The following ZFTA variants were observed in gnomAD, a reference collection of about 807,000 sequenced individuals.
ZFTA encodes zinc finger translocation associated, also known as zinc finger translocation-associated protein.
A neutral mutation model predicts 41.8 loss-of-function variants in ZFTA; 35 were observed. The observed-to-expected ratio is 0.84, with a 90% CI of 0.64 to 1.11. The LOEUF is 1.11. Ranked by LOEUF, ZFTA falls within the 50% of genes most tolerant of loss-of-function variation. The pLI is 0.00. For missense variants in ZFTA, 964 were observed against 989.8 expected, an observed-to-expected ratio of 0.97 and a Z score of 0.35; for synonymous variants, 514 against 436.4, an observed-to-expected ratio of 1.18 and a Z score of -2.22.
chr11:63,765,694 G>C lies in ZFTA; in HGVS notation c.637+113C>G. On this transcript the variant is annotated intron_variant, in intron 2 of 4. Transcript: ENST00000433688. The surrounding 1 kb of genome is among the most constrained non-coding windows in gnomAD (Gnocchi z 4.0). ...AAGGGCAATAAACAGACCCCACCCA[G>C]AGGAGGAGCAGTGCCTTGCTCAAGA... 1 of 1,374,340 alleles carries C rather than the reference G, an allele frequency of 7.3e-7. No individual in the cohort carries two copies. The highest frequency in any genetic ancestry group is 9.5e-7 in the Non-Finnish European group (1 of 1,052,060). 85.1% of individuals were successfully genotyped at this position (1,374,340 alleles called of 1,614,324 possible).
In ZFTA at chr11:63,764,507, T is replaced by C. The variant is rs2014712374; in HGVS notation, c.1116A>G (p.Pro372=). 9 of 1,257,166 alleles carry C rather than the reference T, an allele frequency of 7.2e-6. No homozygotes were observed. Among genetic ancestry groups the C allele is most frequent in the Non-Finnish European group, 9.0e-6 (9 of 995,540 alleles). The allele number at this position is 1,257,166 out of a possible 1,614,324, so 77.9% of individuals were successfully genotyped here. A position where few individuals can be genotyped will look rare whatever the true frequency, so the allele number is the denominator to read the frequency against. Residue 372 remains proline, a synonymous_variant, in exon 4 of 5, where the codon CCA becomes CCG. Transcript: ENST00000433688. ...GAPSSQDLSP[P]DVKEEAGWVP... is the part of the protein sequence containing the mutation. ...CCCAGCCAGCCTCTTCCTTTACGTC[T>C]GGGGGGCTGAGATCCTGAGAGGAGG...
Position 63,765,162 on chromosome 11 carries a change from T to C in ZFTA, c.730A>G (p.Arg244Gly). 1.9e-6 allele frequency: 3 copies of C among 1,544,284 alleles called. No homozygotes were observed. Among genetic ancestry groups the C allele is most frequent in the Non-Finnish European group, 2.6e-6 (3 of 1,145,078 alleles). Residue 244 changes from arginine (R) to glycine (G), a missense_variant, in exon 3 of 5, where the codon AGG becomes GGG. Arg to Gly is a moderately radical substitution (Grantham distance 125). Coordinates refer to ENST00000433688, the MANE Select transcript of ZFTA (RefSeq NM_001144936.2). The surrounding 1 kb of genome is among the most constrained non-coding windows in gnomAD (Gnocchi z 4.0). ...CCCAGCCCCCTGCTGCCCCCGGCCC[T>C]CCGGGAGGCTGAGAGGCGCAGACGC... ...ARRLRLSASR[R>G]AGGSRGLGAR...
Position 63,762,027 on chromosome 11 carries a change from C to T in ZFTA, c.*1391G>A, listed in dbSNP as rs950161669. ...CCCTCAAGTTCCACCCACTAGCCTC[C>T]CCGCCCCGGCTTTAGGACCGCGGGA... is the stretch of plus-strand genomic sequence containing the variant. On this transcript the variant is annotated 3_prime_UTR_variant, in exon 5 of 5. Coordinates refer to ENST00000433688, the MANE Select transcript of ZFTA (RefSeq NM_001144936.2). The T allele has an allele frequency of 6.6e-6, 1 of 152,442 alleles. No individual in the cohort carries two copies. The highest frequency in any genetic ancestry group is 1.5e-5 in the Non-Finnish European group (1 of 68,214). The allele number at this position is 152,442 out of a possible 1,614,324, so 9.4% of individuals were successfully genotyped here.
rs2014612622 is a variant in ZFTA, at chr11:63,760,746, C to G, written c.*2672G>C. ...CTTTCACTGGTGCCCGGCACTTCAG[C>G]TGCATCAAGATCAATGGAGGGCTCA... On this transcript the variant is annotated 3_prime_UTR_variant, in exon 5 of 5. Transcript: ENST00000433688. 2 of 152,248 alleles carry G rather than the reference C, an allele frequency of 1.3e-5. No individual in the cohort carries two copies. The highest frequency in any genetic ancestry group is 4.8e-5 in the African/African-American group (2 of 41,450). 9.4% of individuals were successfully genotyped at this position (152,248 alleles called of 1,614,324 possible). A position where few individuals can be genotyped will look rare whatever the true frequency, so the allele number is the denominator to read the frequency against.
In ZFTA at chr11:63,763,365, G is replaced by C. The variant is rs911150382; in HGVS notation, c.*53C>G. The C allele has an allele frequency of 1.3e-4, 149 of 1,158,970 alleles. No homozygotes were observed. Among genetic ancestry groups the C allele is most frequent in the Non-Finnish European group, 1.5e-4 (139 of 934,050 alleles). 71.8% of individuals were successfully genotyped at this position (1,158,970 alleles called of 1,614,324 possible). ...CCGAAGGGCCGGGCGAGCACAGGGC[G>C]GGGCGGGGCCGATCCGACCCGACCC... On this transcript the variant is annotated 3_prime_UTR_variant, in exon 5 of 5. Transcript: ENST00000433688.
rs2014668095 is a variant in ZFTA, at chr11:63,762,842, C to T, written c.*576G>A. On this transcript the variant is annotated 3_prime_UTR_variant, in exon 5 of 5. Coordinates refer to ENST00000433688, the MANE Select transcript of ZFTA (RefSeq NM_001144936.2). ...TCCCACCCCGGGAAGGCTCCCGAGCCCTGCGGCCCAGCCTCCCGCTGGAAG... is the reference window on the plus strand; with the variant it reads ...TCCCACCCCGGGAAGGCTCCCGAGCTCTGCGGCCCAGCCTCCCGCTGGAAG... The T allele has an allele frequency of 6.6e-6, 1 of 152,054 alleles. No individual in the cohort carries two copies. The highest frequency in any genetic ancestry group is 1.5e-5 in the Non-Finnish European group (1 of 67,952). 9.4% of individuals were successfully genotyped at this position (152,054 alleles called of 1,614,324 possible). A position where few individuals can be genotyped will look rare whatever the true frequency, so the allele number is the denominator to read the frequency against.
rs2014706018 is a variant in ZFTA, at chr11:63,764,244, C to T, written c.1379G>A (p.Arg460Gln). The T allele has an allele frequency of 6.9e-7, 1 of 1,450,510 alleles. No individual in the cohort carries two copies. The highest frequency in any genetic ancestry group is 9.0e-7 in the Non-Finnish European group (1 of 1,108,490). The allele number at this position is 1,450,510 out of a possible 1,614,324, so 89.9% of individuals were successfully genotyped here. Residue 460 changes from arginine (R) to glutamine (Q), a missense_variant, in exon 4 of 5, where the codon CGG becomes CAG. Physicochemically the swap from Arg to Gln is conservative, Grantham distance 43 (BLOSUM62 1). Transcript: ENST00000433688. Reference protein sequence around the residue: ...KMSTIERHIRRRHPGSTRLGG... With the variant: ...KMSTIERHIRQRHPGSTRLGG... ...GAGGCGCGTGGAGCCCGGGTGGCGC[C>T]GGCGGATGTGGCGCTCGATGGTGCT...
chr11:63,767,327 G>A (rs1480623907), intron 1 of ZFTA: 1 of 152,256 alleles, frequency 6.6e-6, no homozygotes, highest in Non-Finnish European at 1.5e-5. Flanking sequence ...AAGGGCTCCT[G>A]TCACCCTTGT....
At chr11:63,767,192 C>G (rs1847666662) in intron 1 of ZFTA, 1 of 152,350 alleles carries the variant, frequency 6.6e-6, no homozygotes, top group African/African-American at 2.4e-5. Flanking sequence ...AGAGCAGTCC[C>G]CTACCCTCCC....
chr11:63,767,274 A>G (rs1028768153), intron 1 of ZFTA: 1 of 152,260 alleles, frequency 6.6e-6, no homozygotes, highest in Non-Finnish European at 1.5e-5. Context: ...TCATTCTCCC[A>G]GTGGAGAATC....
chr11:63,764,719 T>C, intron 3 of ZFTA, 121 bp from the exon 4 acceptor site: 1 of 1,343,996 alleles, frequency 7.4e-7, no homozygotes, highest in Non-Finnish European at 9.5e-7. Flanking sequence ...AGTCTGTCTC[T>C]GTCTGGGGGC....
At position 63,766,187 on chromosome 11, in the gene ZFTA, G is replaced by T; in HGVS notation, c.257C>A (p.Ala86Asp). The change falls in exon 2 of 5, where the codon GCC becomes GAC. Residue 86 changes from alanine (A) to aspartate (D), a missense_variant. Physicochemically the swap from Ala to Asp is moderately radical, Grantham distance 126. Around this residue, in one of 5 missense-constraint regions of ZFTA, gnomAD observed 141 missense variants for 216.7 expected, o/e 0.65. Transcript: ENST00000433688. ...SGRKYSDHCE[A>D]RASRPGKSRI... Reference sequence around the variant, plus strand: ...GCTCTTTCCAGGCCTCGAGGCCCGGGCCTCACAGTGGTCTGAATATTTCCT... The same window carrying T: ...GCTCTTTCCAGGCCTCGAGGCCCGGTCCTCACAGTGGTCTGAATATTTCCT... 3 of 1,528,590 alleles carry T rather than the reference G, an allele frequency of 2.0e-6. No homozygotes were observed. Among genetic ancestry groups the T allele is most frequent in the Non-Finnish European group, 2.6e-6 (3 of 1,136,966 alleles). The allele number at this position is 1,528,590 out of a possible 1,614,324, so 94.7% of individuals were successfully genotyped here. A position where few individuals can be genotyped will look rare whatever the true frequency, so the allele number is the denominator to read the frequency against.
In ZFTA at chr11:63,766,310, G is replaced by T; in HGVS notation, c.140-6C>A. 1 of 1,431,020 alleles carries T rather than the reference G, an allele frequency of 7.0e-7. No individual in the cohort carries two copies. 88.6% of individuals were successfully genotyped at this position (1,431,020 alleles called of 1,614,324 possible). A position where few individuals can be genotyped will look rare whatever the true frequency, so the allele number is the denominator to read the frequency against. On this transcript the variant is annotated splice_polypyrimidine_tract_variant and splice_region_variant and intron_variant, in intron 1 of 4. Transcript: ENST00000433688. ...TTCCAGCTGAAGATCTTGCCCTGAA[G>T]AAGGGGAAAGGGAGACAGTTTTTCA...
At position 63,763,733 on chromosome 11, in the gene ZFTA, G is replaced by C; in HGVS notation, c.1722C>G (p.Ser574Arg). ...PPPPPPPPPR[S>R]REQRRNYQPR... Reference sequence around the variant, plus strand: ...GCTGGTAGTTCCGCCGCTGCTCCCGGCTGCGGGGCGGGGGCGGAGGCGGGG... The same window carrying C: ...GCTGGTAGTTCCGCCGCTGCTCCCGCCTGCGGGGCGGGGGCGGAGGCGGGG... The change falls in exon 5 of 5, where the codon AGC (serine) becomes AGG (arginine). Residue 574 changes from serine (S) to arginine (R), a missense_variant. Coordinates refer to ENST00000433688, the MANE Select transcript of ZFTA (RefSeq NM_001144936.2). 1 of 1,507,014 alleles carries C rather than the reference G, an allele frequency of 6.6e-7. No individual in the cohort carries two copies. Among genetic ancestry groups the C allele is most frequent in the Middle Eastern group, 1.7e-4 (1 of 5,734 alleles). The allele number at this position is 1,507,014 out of a possible 1,614,324, so 93.4% of individuals were successfully genotyped here. A position where few individuals can be genotyped will look rare whatever the true frequency, so the allele number is the denominator to read the frequency against.
Position 63,763,707 on chromosome 11 carries a change from G to A in ZFTA, c.1748C>T (p.Pro583Leu). The A allele has an allele frequency of 1.3e-6, 2 of 1,520,040 alleles. No homozygotes were observed. The highest frequency in any genetic ancestry group is 1.4e-5 in the African/African-American group (1 of 70,650). 94.2% of individuals were successfully genotyped at this position (1,520,040 alleles called of 1,614,324 possible). ...RSREQRRNYQ[P>L]RWRGEYLMDY... ...CATCAGGTACTCGCCCCGCCACCGCGGCTGGTAGTTCCGCCGCTGCTCCCG... is the reference window on the plus strand; with the variant it reads ...CATCAGGTACTCGCCCCGCCACCGCAGCTGGTAGTTCCGCCGCTGCTCCCG... The change falls in exon 5 of 5, where the codon CCG becomes CTG. Residue 583 changes from proline (P) to leucine (L), a missense_variant. Transcript: ENST00000433688.
Position 63,765,188 on chromosome 11 carries a change from C to T in ZFTA, c.704G>A (p.Arg235Gln), listed in dbSNP as rs1243718820. The T allele has an allele frequency of 3.3e-6, 5 of 1,520,202 alleles. No individual in the cohort carries two copies. Among genetic ancestry groups the T allele is most frequent in the Admixed American group, 2.2e-5 (1 of 44,954 alleles). 94.2% of individuals were successfully genotyped at this position (1,520,202 alleles called of 1,614,324 possible). ...RRGGPVAPRA[R>Q]RLRLSASRRA... Reference sequence around the variant, plus strand: ...CCGGGAGGCTGAGAGGCGCAGACGCCGAGCCCGGGGTGCCACTGGGCCCCC... The same window carrying T: ...CCGGGAGGCTGAGAGGCGCAGACGCTGAGCCCGGGGTGCCACTGGGCCCCC... Residue 235 changes from arginine to glutamine, a missense_variant, in exon 3 of 5, where the codon CGG (arginine) becomes CAG (glutamine). Transcript: ENST00000433688. This position sits in a 1 kb window ranked among gnomAD's most constrained non-coding sequence, Gnocchi z 4.0.
Position 63,764,028 on chromosome 11 carries a change from C to T in ZFTA, c.1585+10G>A. On this transcript the variant is annotated intron_variant, in intron 4 of 4. Transcript: ENST00000433688. ...TCTCCCTCTCCGCCTGCTCTGGCCC[C>T]ACCGCTCACCCCACTCCTCCTCCTC... The T allele has an allele frequency of 1.5e-6, 2 of 1,322,584 alleles. No individual in the cohort carries two copies. Among genetic ancestry groups the T allele is most frequent in the Non-Finnish European group, 1.9e-6 (2 of 1,028,696 alleles). The allele number at this position is 1,322,584 out of a possible 1,614,324, so 81.9% of individuals were successfully genotyped here.
chr11:63,768,025 G>A (rs1374722310), intron 1 of ZFTA, among the ~76,000 whole-genome samples: 1 of 152,080 alleles, frequency 6.6e-6, no homozygotes, highest in Non-Finnish European at 1.5e-5. Context: ...GGAGCAGCCC[G>A]ATTTAAAACA....
rs146715282 is a variant in ZFTA, at chr11:63,768,079, C to G, written c.139+405G>C. On this transcript the variant is annotated intron_variant, in intron 1 of 4. Transcript: ENST00000433688. The stretch of plus-strand genomic sequence containing the variant: ...CTCAGCTCCGCTGGGGAAAAGCCCC[C>G]GAAGGGGACCCAGGGTCTGGGCGGA... Among the ~76,000 whole-genome samples the G allele has an allele frequency of 5.4e-3, 820 of 152,206 alleles. 7 individuals carry two copies. The highest frequency in any genetic ancestry group is 0.019 in the African/African-American group (776 of 41,554).
Sources: gnomAD v4.1 joint callset for allele counts (sites outside exome capture counted in the v4.1 genomes callset) on GRCh38, gnomAD v4.1.1 for gene constraint, gnomAD v4.1.1 regional missense constraint, Gnocchi (gnomAD v3.1) non-coding constraint, MANE v1.5 for transcripts, NCBI Gene and HGNC (gene_info 2026-07-23, HGNC 2026-07-21) for gene names.